The following B3GALT5 variants were observed in gnomAD, a reference collection of about 807,000 sequenced individuals.
B3GALT5 encodes the protein UDP-Gal:betaGlcNAc beta 1,3-galactosyltransferase, polypeptide 5.
For missense variants in B3GALT5, 328 were observed against 396.6 expected, an observed-to-expected ratio of 0.83 and a Z score of 1.47; for synonymous variants, 156 against 158.6, an observed-to-expected ratio of 0.98 and a Z score of 0.12.
intron 1 of B3GALT5, among the ~76,000 whole-genome samples, chr21:39,633,370 C>T (rs188426731): frequency 1.3e-5 from 2 of 152,242 alleles, no homozygotes; most frequent in East Asian, 3.9e-4. Flanking sequence ...TGGTTCTTTG[C>T]TTATATGACA....
At chr21:39,619,651 G>A (rs971893241) in intron 1 of B3GALT5, among the ~76,000 whole-genome samples, 1 of 151,940 alleles carries the variant, frequency 6.6e-6, no homozygotes, top group African/African-American at 2.4e-5. Context: ...AAATTTGTAG[G>A]TTTATTTTTG....
intron 1 of B3GALT5, among the ~76,000 whole-genome samples, chr21:39,621,658 T>C (rs2079135126): frequency 6.6e-6 from 1 of 152,140 alleles, no homozygotes; most frequent in African/African-American, 2.4e-5. Flanking sequence ...ATTCATGATT[T>C]GCTGGAAAAT....
chr21:39,661,506 G>A lies in B3GALT5; in HGVS notation c.*14G>A. The A allele has an allele frequency of 6.7e-7, 1 of 1,497,048 alleles. No homozygotes were observed. The highest frequency in any genetic ancestry group is 2.4e-5 in the Admixed American group (1 of 41,852). 92.7% of individuals were successfully genotyped at this position (1,497,048 alleles called of 1,614,324 possible). A position where few individuals can be genotyped will look rare whatever the true frequency, so the allele number is the denominator to read the frequency against. ...CCGCCTGTCTGAGGGGAGCCCAGAGGCACATCCGGACAAGTTTCAGATAAC... is the reference window on the plus strand; with the variant it reads ...CCGCCTGTCTGAGGGGAGCCCAGAGACACATCCGGACAAGTTTCAGATAAC... On this transcript the variant is annotated 3_prime_UTR_variant, in exon 4 of 4. Transcript: ENST00000684187. The surrounding 1 kb of genome is among the most constrained non-coding windows in gnomAD (Gnocchi z 4.7).
In B3GALT5 at chr21:39,660,544, A is replaced by G; in HGVS notation, c.1-16A>G. ...CATGCTTTTGAGGTCTAATCATTGG[A>G]TTTTGTTCCTTTCAGATGGCTTTCC... is the stretch of plus-strand genomic sequence containing the variant. On this transcript the variant is annotated splice_polypyrimidine_tract_variant and intron_variant, in intron 3 of 3. Transcript: ENST00000684187. 2.8e-6 allele frequency: 4 copies of G among 1,415,284 alleles called. No individual in the cohort carries two copies. Among genetic ancestry groups the G allele is most frequent in the Non-Finnish European group, 3.7e-6 (4 of 1,081,058 alleles). The allele number at this position is 1,415,284 out of a possible 1,614,324, so 87.7% of individuals were successfully genotyped here.
At chr21:39,626,940 G>A (rs912212372) in intron 1 of B3GALT5, among the ~76,000 whole-genome samples, 1 of 152,012 alleles carries the variant, frequency 6.6e-6, no homozygotes, top group Non-Finnish European at 1.5e-5. Context: ...CATTTCTTAC[G>A]TTCCTCGCTT....
intron 1 of B3GALT5, among the ~76,000 whole-genome samples, chr21:39,615,045 C>T (rs539695994): frequency 1.6e-5 from 2 of 124,876 alleles, no homozygotes; most frequent in East Asian, 2.0e-4. Flanking sequence ...CTTCGTGGCC[C>T]TGCATAAACC....
At chr21:39,638,684 TA>T (rs1462804225) in intron 1 of B3GALT5, among the ~76,000 whole-genome samples, 1 of 152,152 alleles carries the variant, frequency 6.6e-6, no homozygotes, top group Non-Finnish European at 1.5e-5. Context: ...TACGGATGGC[TA>T]AACTAAAAGA....
chr21:39,640,554 A>T (rs139800428), intron 1 of B3GALT5, among the ~76,000 whole-genome samples: 1 of 152,184 alleles, frequency 6.6e-6, no homozygotes, highest in Non-Finnish European at 1.5e-5. Flanking sequence ...CCTATCCTTA[A>T]AAGTTCTCAG....
intron 1 of B3GALT5, among the ~76,000 whole-genome samples, chr21:39,639,452 C>T (rs1172636477): frequency 8.2e-4 from 98 of 118,930 alleles, no homozygotes; most frequent in African/African-American, 2.7e-3. Flanking sequence ...TTCTTTCTTT[C>T]TTTTTTTCTT....
At chr21:39,618,985 C>T (rs2079121099) in intron 1 of B3GALT5, among the ~76,000 whole-genome samples, 1 of 152,118 alleles carries the variant, frequency 6.6e-6, no homozygotes, top group South Asian at 2.1e-4. Context: ...GTTAGGGATT[C>T]AAATTCAATT....
chr21:39,648,803 C>T (rs552053648), intron 2 of B3GALT5, among the ~76,000 whole-genome samples: 72 of 150,104 alleles, frequency 4.8e-4, no homozygotes, highest in African/African-American at 9.8e-4. Flanking sequence ...AGTGAGGTCC[C>T]GAGGGTGGAG....
chr21:39,616,886 A>C (rs1488344139), intron 1 of B3GALT5, among the ~76,000 whole-genome samples: 1 of 152,208 alleles, frequency 6.6e-6, no homozygotes, highest in East Asian at 1.9e-4. Context: ...ATTGCCCCCA[A>C]ATTCAGGATG....
intron 1 of B3GALT5, among the ~76,000 whole-genome samples, chr21:39,628,621 G>A (rs143919714): frequency 1.3e-5 from 2 of 152,236 alleles, no homozygotes; most frequent in African/African-American, 2.4e-5. Context: ...TGTCAGTGCT[G>A]TGTCAGAGAT....
At chr21:39,622,503 T>G (rs997334123) in intron 1 of B3GALT5, among the ~76,000 whole-genome samples, 3 of 152,118 alleles carry the variant, frequency 2.0e-5, no homozygotes, top group African/African-American at 7.2e-5. Flanking sequence ...GTGTTGATAC[T>G]TTTGGCTTGA....
intron 1 of B3GALT5, among the ~76,000 whole-genome samples, chr21:39,626,635 C>T (rs1422547953): frequency 6.6e-6 from 1 of 152,062 alleles, no homozygotes; most frequent in East Asian, 1.9e-4. Context: ...AATTGCTATC[C>T]TGGTAGGTGC....
intron 1 of B3GALT5, among the ~76,000 whole-genome samples, chr21:39,639,402 T>C (rs13046280): frequency 0.17 from 9,079 of 52,768 alleles, 670 homozygotes; most frequent in South Asian, 0.33. Context: ...TTCTTTCTTT[T>C]TCTTTCTTTC....
At chr21:39,617,419 T>G (rs772166432) in intron 1 of B3GALT5, among the ~76,000 whole-genome samples, 1 of 152,120 alleles carries the variant, frequency 6.6e-6, no homozygotes, top group South Asian at 2.1e-4. Flanking sequence ...AAACTTACAA[T>G]CATGGCGGAA....
rs1028538878 is a variant in B3GALT5, at chr21:39,667,537, T to C, written c.*6045T>C. On this transcript the variant is annotated 3_prime_UTR_variant, in exon 4 of 4. Transcript: ENST00000684187. ...GTGTGTGTGTGTGCACACCCCAAGG[T>C]TGTGCAGCTAGAAGTGCAGAATGTG... The C allele has an allele frequency of 6.6e-6, 1 of 152,178 alleles. No individual in the cohort carries two copies. Among genetic ancestry groups the C allele is most frequent in the Admixed American group, 6.5e-5 (1 of 15,284 alleles). The allele number at this position is 152,178 out of a possible 1,614,324, so 9.4% of individuals were successfully genotyped here.
In B3GALT5 at chr21:39,656,415, A is replaced by G. The variant is rs976014132; in HGVS notation, c.-160-3338A>G. 5.3e-5 allele frequency among the ~76,000 whole-genome samples: 8 copies of G among 151,926 alleles called. 1 individual carries two copies. The highest frequency in any genetic ancestry group is 7.4e-5 in the Non-Finnish European group (5 of 67,996). On this transcript the variant is annotated intron_variant, in intron 2 of 3. Transcript: ENST00000684187. ...ATCCCCTGGTTCCACCTGTTACATC[A>G]CACCTCCCCTTCAAGGACCAGTGCA...
Sources: gnomAD v4.1 joint callset for allele counts (sites outside exome capture counted in the v4.1 genomes callset) on GRCh38, gnomAD v4.1.1 for gene constraint, Gnocchi (gnomAD v3.1) non-coding constraint, MANE v1.5 for transcripts, NCBI Gene and HGNC (gene_info 2026-07-23, HGNC 2026-07-21) for gene names.